Variants in KCNIP4 observed in about 807,000 individuals in gnomAD.
KCNIP4 encodes the protein potassium voltage-gated channel interacting protein 4, also known as Kv channel-interacting protein 4.
KCNIP4 carries 12 observed loss-of-function variants against 34.0 expected under a neutral mutation model. That is an observed-to-expected ratio of 0.35 (90% CI 0.23 to 0.57). The LOEUF (loss-of-function observed/expected upper bound fraction) is 0.57, where lower values mean the gene tolerates loss of function less well. Ranked by LOEUF, KCNIP4 falls within the 20% of genes least tolerant of loss-of-function variation. The pLI is 0.83. For missense variants in KCNIP4, 238 were observed against 311.7 expected, an observed-to-expected ratio of 0.76 and a Z score of 1.78; for synonymous variants, 124 against 102.2, an observed-to-expected ratio of 1.21 and a Z score of -1.29.
At chr4:21,466,920 T>C (rs1249336361) in intron 1 of KCNIP4, among the ~76,000 whole-genome samples, 1 of 152,018 alleles carries the variant, frequency 6.6e-6, no homozygotes, top group Non-Finnish European at 1.5e-5. Flanking sequence ...TATCATTGTA[T>C]TTACCATCCT....
chr4:20,882,545 G>T, intron 2 of KCNIP4, 63 bp downstream of exon 2: 3 of 1,121,798 alleles, frequency 2.7e-6, no homozygotes, highest in Middle Eastern at 2.0e-4. Flanking sequence ...GGCAATGCAT[G>T]CAGGCCTAAA....
At chr4:21,059,669 T>C (rs1242420475) in intron 1 of KCNIP4, among the ~76,000 whole-genome samples, 1 of 152,114 alleles carries the variant, frequency 6.6e-6, no homozygotes, top group Non-Finnish European at 1.5e-5. Flanking sequence ...GAATTATTCA[T>C]CATGATATTA....
chr4:21,735,650 T>C (rs1454995705), intron 1 of KCNIP4, among the ~76,000 whole-genome samples: 1 of 152,154 alleles, frequency 6.6e-6, no homozygotes, highest in Non-Finnish European at 1.5e-5. Context: ...GAGTCTGTTG[T>C]TAAACACATA....
chr4:20,923,054 G>A (rs1729563459), intron 1 of KCNIP4, among the ~76,000 whole-genome samples: 1 of 152,088 alleles, frequency 6.6e-6, no homozygotes, highest in African/African-American at 2.4e-5. Context: ...TAATTTCAAA[G>A]GGAGTGATTT....
intron 1 of KCNIP4, among the ~76,000 whole-genome samples, chr4:21,275,972 A>C (rs977400368): frequency 1.3e-5 from 2 of 152,212 alleles, no homozygotes; most frequent in Non-Finnish European, 2.9e-5. Context: ...AATTGCAAAA[A>C]AAAACTCATG....
chr4:21,795,694 G>C (rs548452970), intron 1 of KCNIP4, among the ~76,000 whole-genome samples: 28 of 151,938 alleles, frequency 1.8e-4, no homozygotes, highest in African/African-American at 6.0e-4. Context: ...GTATAGTTTA[G>C]TAAAAAGAGA....
Position 21,184,301 on chromosome 4 carries a change from T to C in KCNIP4, c.62-301592A>G, listed in dbSNP as rs191228329. ...GTAGCACTAAATAAATTGTTATTATTATTTGTCTTTTACATTAGAATAACA... is the reference window on the plus strand; with the variant it reads ...GTAGCACTAAATAAATTGTTATTATCATTTGTCTTTTACATTAGAATAACA... On this transcript the variant is annotated intron_variant, in intron 1 of 8. Transcript: ENST00000382152. 2.0e-4 allele frequency among the ~76,000 whole-genome samples: 30 copies of C among 152,324 alleles called. No individual in the cohort carries two copies. The East Asian group carries it at 5.0e-3, about 25-fold the overall frequency.
intron 1 of KCNIP4, among the ~76,000 whole-genome samples, chr4:21,068,348 A>G (rs562447081): frequency 6.6e-5 from 10 of 152,168 alleles, no homozygotes; most frequent in African/African-American, 1.4e-4. Flanking sequence ...TGAACTCATA[A>G]AGTTTATCAA....
intron 1 of KCNIP4, among the ~76,000 whole-genome samples, chr4:21,641,983 G>T (rs979583970): frequency 4.6e-5 from 7 of 152,134 alleles, no homozygotes; most frequent in African/African-American, 1.4e-4. Flanking sequence ...TCATGGAAGG[G>T]GGGTAGTGCT....
intron 3 of KCNIP4, among the ~76,000 whole-genome samples, chr4:20,805,732 A>T (rs1165460506): frequency 6.6e-6 from 1 of 152,144 alleles, no homozygotes; most frequent in African/African-American, 2.4e-5. Flanking sequence ...TCTGTCTTTA[A>T]TGGTTCTCAT....
intron 3 of KCNIP4, among the ~76,000 whole-genome samples, chr4:20,813,614 A>C (rs904639092): frequency 2.2e-4 from 33 of 152,202 alleles, no homozygotes; most frequent in Non-Finnish European, 3.1e-4. Flanking sequence ...TGTGGTAATA[A>C]TTAGATCCTG....
intron 1 of KCNIP4, among the ~76,000 whole-genome samples, chr4:21,329,422 T>C (rs1157456160): frequency 6.6e-6 from 1 of 152,190 alleles, no homozygotes; most frequent in East Asian, 1.9e-4. Flanking sequence ...GATTTTACTC[T>C]ACTAATATTT....
chr4:21,041,517 T>C (rs1050111315), intron 1 of KCNIP4, among the ~76,000 whole-genome samples: 1 of 152,170 alleles, frequency 6.6e-6, no homozygotes, highest in African/African-American at 2.4e-5. Flanking sequence ...ACAAGCAAGA[T>C]AAAAGAAGGA....
chr4:21,922,925 T>A (rs926469039), intron 1 of KCNIP4, among the ~76,000 whole-genome samples: 3 of 152,230 alleles, frequency 2.0e-5, no homozygotes, highest in African/African-American at 7.2e-5. Flanking sequence ...CACAATGTTA[T>A]TATAACCCGA....
chr4:20,759,076 A>T (rs890243169), intron 3 of KCNIP4, among the ~76,000 whole-genome samples, 186 bp from the exon 4 acceptor site: 3 of 152,216 alleles, frequency 2.0e-5, no homozygotes, highest in African/African-American at 7.2e-5. Context: ...CACAAGAAAA[A>T]AAAACGTAGA....
chr4:21,280,665 G>A (rs1004745957), intron 1 of KCNIP4, among the ~76,000 whole-genome samples: 9 of 152,126 alleles, frequency 5.9e-5, no homozygotes, highest in Non-Finnish European at 2.9e-5. Context: ...TTAAATGAAA[G>A]AATCAACCCA....
At chr4:21,489,185 A>AGTTCCTT (rs1405072092) in intron 1 of KCNIP4, among the ~76,000 whole-genome samples, 2 of 152,206 alleles carry the variant, frequency 1.3e-5, no homozygotes, top group East Asian at 3.9e-4. Context: ...ACTGTAACTT[A>AGTTCCTT]GTTCCTTTTG....
At chr4:21,734,582 A>G (rs1412758959) in intron 1 of KCNIP4, among the ~76,000 whole-genome samples, 1 of 152,206 alleles carries the variant, frequency 6.6e-6, no homozygotes, top group Non-Finnish European at 1.5e-5. Flanking sequence ...TTTGACCAAT[A>G]CTGTGCTGTG....
chr4:21,879,357 C>G (rs1364031838), intron 1 of KCNIP4, among the ~76,000 whole-genome samples: 1 of 152,206 alleles, frequency 6.6e-6, no homozygotes, highest in Non-Finnish European at 1.5e-5. Flanking sequence ...CTACTCACCC[C>G]TATCCCTCAG....
Sources: gnomAD v4.1 joint callset for allele counts (sites outside exome capture counted in the v4.1 genomes callset) on GRCh38, gnomAD v4.1.1 for gene constraint, MANE v1.5 for transcripts, NCBI Gene and HGNC (gene_info 2026-07-23, HGNC 2026-07-21) for gene names.